AHCY: variants seen among roughly 807,000 people sequenced by gnomAD.
AHCY encodes S-adenosyl-L-homocysteine hydrolase.
Under a neutral mutation model 45.4 loss-of-function variants are expected in AHCY, and 24 were observed. The ratio of observed to expected loss-of-function variants is 0.53; its 90% confidence interval spans 0.38 to 0.74. The LOEUF (loss-of-function observed/expected upper bound fraction) is 0.74, where lower values mean the gene tolerates loss of function less well. Among genes scored for constraint, AHCY ranks in the 30% least tolerant of loss-of-function variants. AHCY has a pLI of 0.00. For missense variants in AHCY, 449 were observed against 594.1 expected (o/e 0.76, Z 2.54); for synonymous variants, 245 against 235.1 (o/e 1.04, Z -0.39).
rs2036325200 is a variant in AHCY, at chr20:34,290,145, G to A, written c.972+187C>T. Among the ~76,000 whole-genome samples the A allele has an allele frequency of 1.3e-5, 2 of 152,222 alleles. No homozygotes were observed. The highest frequency in any genetic ancestry group is 1.5e-5 in the Non-Finnish European group (1 of 68,044). ...CTCACCACATACAGCTCACCTGCCT[G>A]ATACCTTCAGGGATGCCGGCTGCCC... On this transcript the variant is annotated intron_variant, in intron 8 of 9. Transcript: ENST00000217426. The surrounding 1 kb of genome is among the most constrained non-coding windows in gnomAD (Gnocchi z 4.5).
intron 5 of AHCY, 68 bp from the exon 6 acceptor site, chr20:34,291,006 C>CA (rs2036369012): frequency 6.5e-7 from 1 of 1,527,900 alleles, no homozygotes; most frequent in Non-Finnish European, 9.0e-7. Flanking sequence ...AACTTGGCCT[C>CA]AGAGTATTCT....
At chr20:34,269,187 C>T in the AHCY span, 1 of 1,484,186 alleles carries the variant, frequency 6.7e-7, no homozygotes, top group Non-Finnish European at 9.0e-7. Flanking sequence ...CTCCCGGCCG[C>T]GAGCAGGCAG....
At chr20:34,294,668 G>C (rs957186218) in intron 2 of AHCY, among the ~76,000 whole-genome samples, 2 of 152,134 alleles carry the variant, frequency 1.3e-5, no homozygotes, top group African/African-American at 4.8e-5. Context: ...GGGAAGAAGA[G>C]GGGGCAGAAA....
the AHCY span, among the ~76,000 whole-genome samples, chr20:34,272,171 C>A: frequency 6.6e-6 from 1 of 152,158 alleles, no homozygotes; most frequent in Non-Finnish European, 1.5e-5. Context: ...CAAAGTAATT[C>A]CCAGGAGAGG....
At chr20:34,285,681 C>T (rs2030707271) in intron 8 of AHCY, 47 bp from the exon 9 acceptor site, 1 of 1,601,330 alleles carries the variant, frequency 6.2e-7, no homozygotes, top group Admixed American at 1.7e-5. Flanking sequence ...GCCCCGCTCC[C>T]ACAGCCCACC....
the AHCY span, among the ~76,000 whole-genome samples, chr20:34,245,160 C>T: frequency 6.6e-6 from 1 of 151,436 alleles, no homozygotes; most frequent in African/African-American, 2.4e-5. Context: ...ATGATGAAAC[C>T]CCGTCGCTAC....
At chr20:34,267,928 TAA>T in the AHCY span, among the ~76,000 whole-genome samples, 1 of 146,560 alleles carries the variant, frequency 6.8e-6, no homozygotes, top group Non-Finnish European at 1.5e-5. Context: ...GTGATTAATT[TAA>T]AAAGTTATTG....
chr20:34,277,108 C>T (rs1017165603), downstream of AHCY, among the ~76,000 whole-genome samples: 7 of 152,172 alleles, frequency 4.6e-5, no homozygotes, highest in African/African-American at 1.7e-4. Context: ...GTCCATGCTA[C>T]TTCCAGACCC....
intron 3 of AHCY, 139 bp from the exon 4 acceptor site, chr20:34,292,646 G>A: frequency 2.4e-6 from 3 of 1,237,862 alleles, no homozygotes; most frequent in Non-Finnish European, 3.5e-6. Context: ...ACTCAGCAGT[G>A]GTCAGGACAC....
At chr20:34,277,224 G>T (rs940845333), downstream of AHCY, among the ~76,000 whole-genome samples, 2 of 152,154 alleles carry the variant, frequency 1.3e-5, no homozygotes, top group African/African-American at 4.8e-5. Context: ...GGCTTGGTGT[G>T]CAGAAAGAGC....
At chr20:34,287,873 T>G (rs2036240873) in intron 8 of AHCY, among the ~76,000 whole-genome samples, 1 of 152,184 alleles carries the variant, frequency 6.6e-6, no homozygotes, top group Non-Finnish European at 1.5e-5. Flanking sequence ...GAGATAATGT[T>G]GGGCAGAAGG....
chr20:34,269,071 G>A, the AHCY span: 1 of 1,582,840 alleles, frequency 6.3e-7, no homozygotes, highest in Non-Finnish European at 8.6e-7. Flanking sequence ...ACAGCTGCAA[G>A]CCGCCGGCAC....
intron 2 of AHCY, 109 bp downstream of exon 2, chr20:34,295,286 C>T (rs745696346): frequency 3.4e-5 from 46 of 1,349,628 alleles, no homozygotes; most frequent in Middle Eastern, 3.5e-4. Flanking sequence ...CCTCCAGGCC[C>T]GCGGTCAGCT....
chr20:34,311,632 TCA>T (rs2036949674), exon 1 of AHCY: 1 of 152,464 alleles, frequency 6.6e-6, no homozygotes, highest in African/African-American at 2.4e-5. Context: ...GTCCTGCGTC[TCA>T]CTCTGGATTA....
chr20:34,275,686 T>C (rs2035905124), downstream of AHCY, among the ~76,000 whole-genome samples: 2 of 151,490 alleles, frequency 1.3e-5, no homozygotes, highest in Non-Finnish European at 2.9e-5. Flanking sequence ...ATCTTTCTTT[T>C]TTTTTTTTTT....
the AHCY span, among the ~76,000 whole-genome samples, chr20:34,258,192 C>T: frequency 4.0e-5 from 6 of 151,630 alleles, no homozygotes; most frequent in South Asian, 2.1e-4. Flanking sequence ...AGTGCTCCAT[C>T]GGTTAGTAGA....
intron 1 of AHCY, among the ~76,000 whole-genome samples, chr20:34,296,346 G>A (rs1474020750): frequency 1.3e-5 from 2 of 152,160 alleles, no homozygotes; most frequent in Non-Finnish European, 2.9e-5. Context: ...TGCTGAATCT[G>A]GGGGTTCAAT....
At chr20:34,293,937 G>T in intron 3 of AHCY, 144 bp downstream of exon 3, 1 of 817,686 alleles carries the variant, frequency 1.2e-6, no homozygotes, top group Non-Finnish European at 2.1e-6. Context: ...GCTCTTTCCT[G>T]TGGGGTCGCT....
intron 9 of AHCY, among the ~76,000 whole-genome samples, chr20:34,283,684 G>A (rs2036077919): frequency 1.3e-5 from 2 of 152,338 alleles, no homozygotes; most frequent in Non-Finnish European, 1.5e-5. Flanking sequence ...GGGATCAAGT[G>A]AGAATCTTTC....
Sources: gnomAD v4.1 joint callset for allele counts (sites outside exome capture counted in the v4.1 genomes callset) on GRCh38, gnomAD v4.1.1 for gene constraint, Gnocchi (gnomAD v3.1) non-coding constraint, MANE v1.5 for transcripts, NCBI Gene and HGNC (gene_info 2026-07-23, HGNC 2026-07-21) for gene names.